The following ITGA8 variants were observed in gnomAD, a reference collection of about 807,000 sequenced individuals.
ITGA8 encodes the protein integrin subunit alpha 8, also known as integrin alpha-8.
ITGA8 carries 91 observed loss-of-function variants against 142.3 expected under a neutral mutation model. The ratio of observed to expected loss-of-function variants is 0.64; its 90% CI spans 0.54 to 0.76. The LOEUF (loss-of-function observed/expected upper bound fraction) is 0.76, where lower values mean the gene tolerates loss of function less well. Ranked by LOEUF, ITGA8 falls within the 30% of genes least tolerant of loss-of-function variation. ITGA8 has a pLI of 0.00. For missense variants in ITGA8, 1,406 were observed against 1,327.7 expected (o/e 1.06, Z -0.92); for synonymous variants, 505 against 485.2 (o/e 1.04, Z -0.54).
chr10:15,581,773 T>TTA (rs1244397605), intron 23 of ITGA8, among the ~76,000 whole-genome samples: 2 of 152,246 alleles, frequency 1.3e-5, no homozygotes, highest in Non-Finnish European at 2.9e-5. Flanking sequence ...ATTTCAAGCC[T>TTA]TATTATTATA....
At chr10:15,577,665 A>G (rs1224834865) in intron 23 of ITGA8, among the ~76,000 whole-genome samples, 1 of 152,148 alleles carries the variant, frequency 6.6e-6, no homozygotes, top group Non-Finnish European at 1.5e-5. Context: ...TGGTTCTCTA[A>G]AGATCTCAAC....
intron 25 of ITGA8, among the ~76,000 whole-genome samples, chr10:15,562,210 T>C (rs1833997295): frequency 6.6e-6 from 1 of 152,070 alleles, no homozygotes; most frequent in Admixed American, 6.5e-5. Context: ...CTAATAGTAA[T>C]GATAGAGCTA....
At position 15,566,532 on chromosome 10, in the gene ITGA8, C is replaced by T. The variant is rs200881599; in HGVS notation, c.2637+5679G>A. Among the ~76,000 whole-genome samples, 45 of 152,120 alleles carry T rather than the reference C, an allele frequency of 3.0e-4. No individual in the cohort carries two copies. The East Asian group carries it at 6.4e-3, about 22-fold the overall frequency. On this transcript the variant is annotated intron_variant, in intron 25 of 29. Transcript: ENST00000378076. ...TGCCAATTAAAGAAAAATCCTAGGC[C>T]GGGCATGGTGGCTCATGCCTGTAAT...
intron 28 of ITGA8, among the ~76,000 whole-genome samples, chr10:15,523,096 G>A (rs1833100610): frequency 6.6e-6 from 1 of 152,138 alleles, no homozygotes; most frequent in Non-Finnish European, 1.5e-5. Context: ...TTATAAGTTA[G>A]AGAAAACACA....
intron 27 of ITGA8, among the ~76,000 whole-genome samples, chr10:15,534,834 C>T (rs1032429651): frequency 1.3e-5 from 2 of 152,206 alleles, no homozygotes; most frequent in South Asian, 2.1e-4. Flanking sequence ...GGCTCGCTCT[C>T]GGCGCCTCCT....
At chr10:15,699,244 A>G (rs899536315) in intron 2 of ITGA8, among the ~76,000 whole-genome samples, 4 of 152,210 alleles carry the variant, frequency 2.6e-5, no homozygotes, top group African/African-American at 9.6e-5. Flanking sequence ...AGATTACACC[A>G]CTGTACTCTA....
rs1379441295 is a variant in ITGA8 at position 15,719,808 on chromosome 10, C to G, written c.-37G>C. 2 of 1,310,018 alleles carry G rather than the reference C, an allele frequency of 1.5e-6. No homozygotes were observed. Among genetic ancestry groups the G allele is most frequent in the East Asian group, 3.1e-5 (1 of 31,768 alleles). The allele number at this position is 1,310,018 out of a possible 1,614,324, so 81.1% of individuals were successfully genotyped here. On this transcript the variant is annotated 5_prime_UTR_variant, in exon 1 of 30. Transcript: ENST00000378076. Reference sequence around the variant, plus strand: ...CCGGTGGGTGGCTGCTACCCAGGAGCGCGAGCCGAGGACCCCTGCGGGGCA... The same window carrying G: ...CCGGTGGGTGGCTGCTACCCAGGAGGGCGAGCCGAGGACCCCTGCGGGGCA...
chr10:15,519,826 A>G (rs2131530548), intron 28 of ITGA8, among the ~76,000 whole-genome samples: 1 of 152,264 alleles, frequency 6.6e-6, no homozygotes, highest in East Asian at 1.9e-4. Flanking sequence ...TCATTGAGAG[A>G]GGTAAGCTTG....
chr10:15,667,233 T>C (rs1271888216), intron 8 of ITGA8, among the ~76,000 whole-genome samples: 2 of 152,242 alleles, frequency 1.3e-5, no homozygotes, highest in Non-Finnish European at 2.9e-5. Context: ...AACTTCTTTC[T>C]GGTTTAGTCT....
At chr10:15,536,718 G>A (rs983030702) in intron 27 of ITGA8, among the ~76,000 whole-genome samples, 9 of 152,156 alleles carry the variant, frequency 5.9e-5, no homozygotes, top group Admixed American at 2.6e-4. Flanking sequence ...TGCCTTGCTC[G>A]TCTGTCATTA....
chr10:15,665,285 C>G (rs1588708342), intron 8 of ITGA8, among the ~76,000 whole-genome samples: 1 of 152,120 alleles, frequency 6.6e-6, no homozygotes, highest in Non-Finnish European at 1.5e-5. Flanking sequence ...AGCATTTTTT[C>G]ATGTGTTTTT....
At chr10:15,678,394 G>A (rs1834672550) in intron 5 of ITGA8, among the ~76,000 whole-genome samples, 1 of 152,094 alleles carries the variant, frequency 6.6e-6, no homozygotes, top group Non-Finnish European at 1.5e-5. Context: ...ATAGATTCAT[G>A]TGATCTTTTT....
intron 13 of ITGA8, among the ~76,000 whole-genome samples, chr10:15,640,305 G>A (rs928003332): frequency 2.6e-5 from 4 of 152,156 alleles, no homozygotes; most frequent in South Asian, 2.1e-4. Context: ...CCCAGATTCC[G>A]TAGCTCAGAT....
chr10:15,708,394 T>G (rs906540593), intron 2 of ITGA8, among the ~76,000 whole-genome samples: 5 of 152,114 alleles, frequency 3.3e-5, no homozygotes, highest in African/African-American at 1.2e-4. Context: ...GAAAAAAAAT[T>G]TCCAGTGGAG....
intron 14 of ITGA8, 44 bp from the exon 15 acceptor site, chr10:15,613,811 G>A (rs972584379): frequency 1.4e-6 from 2 of 1,380,048 alleles, no homozygotes; most frequent in African/African-American, 2.8e-5. Context: ...AAACACAAGG[G>A]TGATAGGCAG....
chr10:15,530,581 A>G (rs1228657386), intron 28 of ITGA8, among the ~76,000 whole-genome samples: 1 of 145,764 alleles, frequency 6.9e-6, no homozygotes, highest in East Asian at 2.0e-4. Context: ...CATTCAGTTG[A>G]AGCTCAGAGT....
At chr10:15,531,354 C>A (rs1167283926) in intron 27 of ITGA8, among the ~76,000 whole-genome samples, 1 of 152,142 alleles carries the variant, frequency 6.6e-6, no homozygotes, top group East Asian at 1.9e-4. Flanking sequence ...ATGCATCCAT[C>A]CATCTAAGCG....
At chr10:15,636,561 G>A (rs561503392) in intron 13 of ITGA8, among the ~76,000 whole-genome samples, 1 of 152,228 alleles carries the variant, frequency 6.6e-6, no homozygotes, top group Non-Finnish European at 1.5e-5. Context: ...CCCCCAATCT[G>A]TCCATGAGAC....
At chr10:15,679,879 A>C (rs1462508969) in intron 4 of ITGA8, among the ~76,000 whole-genome samples, 1 of 152,218 alleles carries the variant, frequency 6.6e-6, no homozygotes, top group African/African-American at 2.4e-5. Flanking sequence ...CTTGTACTTT[A>C]AAAGAGTTTC....
Sources: gnomAD v4.1 joint callset for allele counts (sites outside exome capture counted in the v4.1 genomes callset) on GRCh38, gnomAD v4.1.1 for gene constraint, MANE v1.5 for transcripts, NCBI Gene and HGNC (gene_info 2026-07-23, HGNC 2026-07-21) for gene names.